SEMA3A: variants seen among roughly 807,000 people sequenced by gnomAD.
SEMA3A encodes semaphorin 3A, also known as semaphorin-3A.
In SEMA3A, 29 loss-of-function variants were observed where a neutral mutation model predicts 97.9. That is an observed-to-expected ratio of 0.30 (90% CI 0.22 to 0.40). The LOEUF is 0.40. Ranked by LOEUF, SEMA3A falls within the 10% of genes least tolerant of loss-of-function variation. SEMA3A has a pLI of 1.00. For missense variants in SEMA3A, 763 were observed against 951.3 expected (o/e 0.80, Z 2.60); for synonymous variants, 321 against 323.7 (o/e 0.99, Z 0.09).
At chr7:84,178,972 G>A (rs1797654460) in intron 1 of SEMA3A, among the ~76,000 whole-genome samples, 1 of 151,952 alleles carries the variant, frequency 6.6e-6, no homozygotes, top group South Asian at 2.1e-4. Context: ...CTGCCAAACG[G>A]TTCTTTGATT....
intron 3 of SEMA3A, among the ~76,000 whole-genome samples, chr7:84,302,351 T>A (rs117099093): frequency 4.3e-4 from 65 of 152,138 alleles, no homozygotes; most frequent in Non-Finnish European, 7.8e-4. Flanking sequence ...CCCATTAAAA[T>A]AGATGAAGTT....
intron 1 of SEMA3A, among the ~76,000 whole-genome samples, chr7:84,186,638 A>T (rs967906041): frequency 6.6e-6 from 1 of 152,130 alleles, no homozygotes; most frequent in Admixed American, 6.6e-5. Context: ...TGGATTACAC[A>T]ATCATTTTTC....
At chr7:84,049,691 T>C (rs561431121) in intron 5 of SEMA3A, among the ~76,000 whole-genome samples, 7 of 152,128 alleles carry the variant, frequency 4.6e-5, no homozygotes, top group African/African-American at 1.4e-4. Context: ...TCAAATTATA[T>C]GTTGATTCTT....
chr7:84,075,458 CTT>C (rs35489504), intron 4 of SEMA3A, among the ~76,000 whole-genome samples: 55 of 119,254 alleles, frequency 4.6e-4, no homozygotes, highest in Admixed American at 8.9e-4. Context: ...TGCACCTGGT[CTT>C]TTTTTTTTTT....
chr7:84,413,443 C>T (rs1804335236), intron 1 of SEMA3A, among the ~76,000 whole-genome samples: 1 of 152,068 alleles, frequency 6.6e-6, no homozygotes, highest in South Asian at 2.1e-4. Flanking sequence ...GCCGAGGAAA[C>T]ATGGCAAAAC....
At chr7:84,086,281 A>G (rs13223338) in intron 4 of SEMA3A, among the ~76,000 whole-genome samples, 62,407 of 150,956 alleles carry the variant, frequency 0.41, 14,713 homozygotes, top group Admixed American at 0.52. Flanking sequence ...TTCCTACAAC[A>G]GTCTCTAGAA....
intron 1 of SEMA3A, among the ~76,000 whole-genome samples, chr7:84,458,282 GTTAAT>G (rs1430038022): frequency 2.6e-5 from 4 of 151,840 alleles, no homozygotes; most frequent in African/African-American, 7.2e-5. Context: ...CATCTTATCT[GTTAAT>G]TTAACATGTA....
intron 2 of SEMA3A, among the ~76,000 whole-genome samples, chr7:84,308,455 G>C (rs575760633): frequency 7.2e-5 from 11 of 152,274 alleles, no homozygotes; most frequent in Non-Finnish European, 1.3e-4. Flanking sequence ...TTAGTGATTA[G>C]ATGGAAAACA....
chr7:84,069,367 A>G (rs1272952154), intron 4 of SEMA3A, among the ~76,000 whole-genome samples: 2 of 152,174 alleles, frequency 1.3e-5, no homozygotes, highest in African/African-American at 2.4e-5. Flanking sequence ...TCTACAAAAT[A>G]CTTAGTATGC....
In SEMA3A at chr7:84,358,181, T is replaced by A. The variant is rs370368779; in HGVS notation, c.-169+13643A>T. ...CAATTTTGGCTTTTGTTACCATTGC[T>A]TTTGGTGCTTTAGACATGAAGTCCT... On this transcript the variant is annotated intron_variant, in intron 2 of 3. Transcript: ENST00000424555. Among the ~76,000 whole-genome samples, 55 of 152,352 alleles carry A rather than the reference T, an allele frequency of 3.6e-4. 1 individual carries two copies. In the East Asian group the frequency reaches 8.7e-3, roughly 24 times the overall value.
Position 83,956,163 on chromosome 7 carries a change from T to C in SEMA3A, c.*5208A>G, listed in dbSNP as rs919335885. 3 of 152,180 alleles carry C rather than the reference T, an allele frequency of 2.0e-5. No individual in the cohort carries two copies. Among genetic ancestry groups the C allele is most frequent in the Admixed American group, 6.6e-5 (1 of 15,264 alleles). 9.4% of individuals were successfully genotyped at this position (152,180 alleles called of 1,614,324 possible). The stretch of plus-strand genomic sequence containing the variant: ...CATTGCTTGGCCATGAATTACTCCA[T>C]CTAAGGTATGCCTTGAACAAATGCA... On this transcript the variant is annotated 3_prime_UTR_variant, in exon 17 of 17. Coordinates refer to ENST00000265362, the MANE Select transcript of SEMA3A (RefSeq NM_006080.3).
intron 3 of SEMA3A, among the ~76,000 whole-genome samples, chr7:84,277,012 C>CT (rs1214250296): frequency 2.6e-5 from 4 of 151,994 alleles, no homozygotes; most frequent in East Asian, 3.9e-4. Context: ...AAATTTATGG[C>CT]TTTACATGTA....
upstream of SEMA3A, among the ~76,000 whole-genome samples, chr7:84,197,147 T>C (rs1359317738): frequency 6.6e-6 from 1 of 152,150 alleles, no homozygotes; most frequent in South Asian, 2.1e-4. Flanking sequence ...TTTAAATTAA[T>C]GTTGACACAT....
intron 4 of SEMA3A, among the ~76,000 whole-genome samples, chr7:84,083,438 T>TTG (rs1794229336): frequency 6.6e-6 from 1 of 151,366 alleles, no homozygotes; most frequent in South Asian, 2.1e-4. Context: ...ATCATTTTTT[T>TTG]TGTGTGTGTG....
At chr7:84,424,560 T>A (rs1562942595) in intron 1 of SEMA3A, among the ~76,000 whole-genome samples, 2 of 70,434 alleles carry the variant, frequency 2.8e-5, no homozygotes, top group Non-Finnish European at 5.2e-5. Context: ...ATATTATATA[T>A]AATATATAAA....
intron 1 of SEMA3A, among the ~76,000 whole-genome samples, chr7:84,479,329 C>A (rs571215946): frequency 2.0e-5 from 3 of 152,100 alleles, no homozygotes; most frequent in Non-Finnish European, 4.4e-5. Flanking sequence ...TCAGTTCTAG[C>A]TAATAGCCAA....
chr7:84,072,211 T>C (rs1793767065), intron 4 of SEMA3A, among the ~76,000 whole-genome samples: 1 of 152,120 alleles, frequency 6.6e-6, no homozygotes, highest in Non-Finnish European at 1.5e-5. Flanking sequence ...ATCTTGTTCC[T>C]CCTTAATTTT....
intron 2 of SEMA3A, among the ~76,000 whole-genome samples, chr7:84,133,218 T>A (rs1212464787): frequency 6.6e-6 from 1 of 152,188 alleles, no homozygotes; most frequent in Non-Finnish European, 1.5e-5. Flanking sequence ...AAAGTTGGCA[T>A]ATCACAATTC....
At chr7:84,173,721 A>G (rs965822722) in intron 1 of SEMA3A, among the ~76,000 whole-genome samples, 2 of 152,162 alleles carry the variant, frequency 1.3e-5, no homozygotes. Context: ...CAAGTGGTAG[A>G]GCAAGGGCTT....
Sources: allele counts gnomAD v4.1 joint callset (sites outside exome capture counted in the v4.1 genomes callset), GRCh38; gene constraint gnomAD v4.1.1; transcripts MANE v1.5; gene names NCBI Gene and HGNC (gene_info 2026-07-23, HGNC 2026-07-21).